The following C12orf42 variants were observed in gnomAD, a reference collection of about 807,000 sequenced individuals.
C12orf42 encodes the protein chromosome 12 open reading frame 42, also known as uncharacterized protein C12orf42.
C12orf42 carries 25 observed loss-of-function variants against 21.6 expected under a neutral mutation model. That is an observed-to-expected ratio of 1.16 (90% CI 0.84 to 1.62). The LOEUF (loss-of-function observed/expected upper bound fraction) is 1.62, where lower values mean the gene tolerates loss of function less well. Ranked by LOEUF, C12orf42 falls within the 40% of genes most tolerant of loss-of-function variation. The probability of loss-of-function intolerance (pLI) is 0.00; values close to 1 mark genes in which losing one functional copy is unlikely to be tolerated. For missense variants in C12orf42, 483 were observed against 459.3 expected, an observed-to-expected ratio of 1.05 and a Z score of -0.47; for synonymous variants, 174 against 175.0, an observed-to-expected ratio of 0.99 and a Z score of 0.05.
chr12:103,552,752 C>T, the C12orf42 span, among the ~76,000 whole-genome samples: 1 of 152,114 alleles, frequency 6.6e-6, no homozygotes, highest in Non-Finnish European at 1.5e-5. Context: ...TTTCACACTG[C>T]TATAAAGACA....
intron 4 of C12orf42, among the ~76,000 whole-genome samples, chr12:103,310,163 T>C (rs1212660049): frequency 6.6e-6 from 1 of 152,230 alleles, no homozygotes; most frequent in African/African-American, 2.4e-5. Context: ...GGTTTAGCAC[T>C]ATCCCTCTGG....
chr12:103,354,072 T>C (rs2043323271), intron 4 of C12orf42, among the ~76,000 whole-genome samples: 1 of 152,164 alleles, frequency 6.6e-6, no homozygotes, highest in Non-Finnish European at 1.5e-5. Flanking sequence ...TGAATCCATT[T>C]CATCTCTTCT....
intron 2 of C12orf42, among the ~76,000 whole-genome samples, chr12:103,434,343 C>T (rs1489148675): frequency 6.6e-6 from 1 of 152,144 alleles, no homozygotes; most frequent in African/African-American, 2.4e-5. Flanking sequence ...TCTGTTCTAC[C>T]CAAATTATAT....
chr12:103,266,852 A>G (rs1470967985), downstream of C12orf42, among the ~76,000 whole-genome samples: 1 of 152,160 alleles, frequency 6.6e-6, no homozygotes, highest in Non-Finnish European at 1.5e-5. Context: ...CCAGGTGTAA[A>G]AAGTGGAAAA....
chr12:103,128,100 C>G, the C12orf42 span, among the ~76,000 whole-genome samples: 1 of 152,104 alleles, frequency 6.6e-6, no homozygotes, highest in Non-Finnish European at 1.5e-5. Flanking sequence ...GTATACTTTT[C>G]TGTGTATTCA....
At chr12:103,138,651 A>G in the C12orf42 span, among the ~76,000 whole-genome samples, 1 of 152,156 alleles carries the variant, frequency 6.6e-6, no homozygotes, top group Non-Finnish European at 1.5e-5. Context: ...AAATTTCTGC[A>G]CTTTCTGAGA....
At chr12:103,128,692 A>T in the C12orf42 span, among the ~76,000 whole-genome samples, 1 of 152,152 alleles carries the variant, frequency 6.6e-6, no homozygotes. Flanking sequence ...ACAGGGCATG[A>T]TGTATGGTAG....
chr12:103,084,934 A>C, the C12orf42 span, among the ~76,000 whole-genome samples: 1 of 152,132 alleles, frequency 6.6e-6, no homozygotes, highest in Non-Finnish European at 1.5e-5. Context: ...AAAACTATTC[A>C]AACAAAGTCA....
intron 4 of C12orf42, among the ~76,000 whole-genome samples, chr12:103,335,997 C>T (rs1306484504): frequency 6.6e-6 from 1 of 152,220 alleles, no homozygotes; most frequent in Non-Finnish European, 1.5e-5. Flanking sequence ...AGTGTGTCCT[C>T]AGCAGCTAGA....
upstream of C12orf42, among the ~76,000 whole-genome samples, chr12:103,498,924 G>A (rs913973311): frequency 3.9e-5 from 6 of 151,948 alleles, no homozygotes; most frequent in South Asian, 4.2e-4. Context: ...ATGCATGCTC[G>A]GCTTAATACC....
chr12:103,160,670 T>C, the C12orf42 span, among the ~76,000 whole-genome samples: 2 of 152,176 alleles, frequency 1.3e-5, no homozygotes, highest in African/African-American at 4.8e-5. Context: ...CAATCCCTTA[T>C]TGAATCCCAG....
At chr12:103,451,897 G>A (rs181966010) in intron 2 of C12orf42, among the ~76,000 whole-genome samples, 30 of 151,984 alleles carry the variant, frequency 2.0e-4, no homozygotes, top group African/African-American at 7.0e-4. Context: ...ACATACTTTA[G>A]GTTTTTGTTA....
intron 10 of C12orf42, among the ~76,000 whole-genome samples, chr12:103,251,564 G>A (rs1044776848): frequency 2.6e-5 from 4 of 152,092 alleles, no homozygotes; most frequent in Admixed American, 6.6e-5. Flanking sequence ...CCCACTATAC[G>A]TTCTGTAGAA....
At chr12:103,510,631 CT>C in the C12orf42 span, among the ~76,000 whole-genome samples, 6 of 152,166 alleles carry the variant, frequency 3.9e-5, no homozygotes, top group Non-Finnish European at 8.8e-5. Context: ...GATATAAGTT[CT>C]TTAAATTCCC....
chr12:103,506,990 A>AATATATATAT, the C12orf42 span, among the ~76,000 whole-genome samples: 1 of 7,452 alleles, frequency 1.3e-4, no homozygotes, highest in Non-Finnish European at 1.8e-4. Context: ...ATATTATATA[A>AATATATATAT]ATATAATATA....
intron 4 of C12orf42, among the ~76,000 whole-genome samples, chr12:103,346,198 T>A (rs1480877648): frequency 1.3e-5 from 2 of 152,188 alleles, no homozygotes; most frequent in Non-Finnish European, 2.9e-5. Flanking sequence ...TCACTTTCCT[T>A]AATTATATGC....
chr12:103,294,583 G>GGAAGGAAGGAAGGAAAGAAA (rs1300203895), intron 4 of C12orf42, among the ~76,000 whole-genome samples: 245 of 80,214 alleles, frequency 3.1e-3, no homozygotes, highest in East Asian at 4.0e-3. Context: ...AAGGAAGGAA[G>GGAAGGAAGGAAGGAAAGAAA]GAAAGAAAGA....
chr12:103,560,935 T>A, the C12orf42 span, among the ~76,000 whole-genome samples: 1 of 152,242 alleles, frequency 6.6e-6, no homozygotes, highest in African/African-American at 2.4e-5. Context: ...CTGGGAGTCA[T>A]CCTTCTCCCT....
At chr12:103,343,485 A>C (rs1035636055) in intron 4 of C12orf42, among the ~76,000 whole-genome samples, 1 of 152,184 alleles carries the variant, frequency 6.6e-6, no homozygotes, top group African/African-American at 2.4e-5. Context: ...AGTGCAAAAA[A>C]ACACTTTCTG....
Sources: allele counts gnomAD v4.1 joint callset (sites outside exome capture counted in the v4.1 genomes callset), GRCh38; gene constraint gnomAD v4.1.1; transcripts MANE v1.5; gene names NCBI Gene and HGNC (gene_info 2026-07-23, HGNC 2026-07-21).